Variants in TMEM163 observed in about 807,000 individuals in gnomAD.
TMEM163 encodes transmembrane protein 163.
Under a neutral mutation model 29.3 loss-of-function variants are expected in TMEM163, and 17 were observed. The observed-to-expected ratio is 0.58, with a 90% CI of 0.40 to 0.87. The LOEUF is 0.87. Among genes scored for constraint, TMEM163 ranks in the 40% least tolerant of loss-of-function variants. The pLI, the probability that TMEM163 is intolerant of heterozygous loss-of-function variation, is 0.00. For synonymous variants in TMEM163, 157 were observed against 160.6 expected, an observed-to-expected ratio of 0.98 and a Z score of 0.17; for missense variants, 303 against 381.5, an observed-to-expected ratio of 0.79 and a Z score of 1.71.
At chr2:134,703,382 A>G (rs953707444) in intron 2 of TMEM163, among the ~76,000 whole-genome samples, 2 of 152,194 alleles carry the variant, frequency 1.3e-5, no homozygotes, top group African/African-American at 4.8e-5. Context: ...GAGGTTAGAA[A>G]AGAAATGCTG....
At chr2:134,562,217 T>C (rs1344773711) in intron 2 of TMEM163, among the ~76,000 whole-genome samples, 1 of 152,140 alleles carries the variant, frequency 6.6e-6, no homozygotes. Flanking sequence ...AACACAGAAA[T>C]GCTCCTTGCC....
intron 2 of TMEM163, among the ~76,000 whole-genome samples, chr2:134,631,010 A>AG (rs1373586757): frequency 1.4e-4 from 9 of 62,336 alleles, no homozygotes; most frequent in African/African-American, 4.9e-4. Flanking sequence ...CAAACACTTG[A>AG]GGGAAAAAAA....
chr2:134,620,400 G>A (rs907561736), intron 2 of TMEM163, among the ~76,000 whole-genome samples: 2 of 152,252 alleles, frequency 1.3e-5, no homozygotes, highest in African/African-American at 2.4e-5. Flanking sequence ...GGGATTACAG[G>A]CATGCGCCAT....
chr2:134,560,426 G>A (rs984780208), intron 2 of TMEM163, among the ~76,000 whole-genome samples: 1 of 152,150 alleles, frequency 6.6e-6, no homozygotes, highest in African/African-American at 2.4e-5. Flanking sequence ...GCTCCAGCAT[G>A]CAGCAAACAG....
chr2:134,678,011 A>C (rs535479148), intron 2 of TMEM163, among the ~76,000 whole-genome samples: 2 of 152,348 alleles, frequency 1.3e-5, no homozygotes, highest in South Asian at 4.1e-4. Flanking sequence ...GCGTGCCAGC[A>C]ATGCCCAACA....
At chr2:134,576,293 G>A (rs182701431) in intron 2 of TMEM163, among the ~76,000 whole-genome samples, 115 of 152,248 alleles carry the variant, frequency 7.6e-4, no homozygotes, top group African/African-American at 2.1e-3. Context: ...GGTTTTAGTC[G>A]TGAGACAAGC....
intron 4 of TMEM163, among the ~76,000 whole-genome samples, chr2:134,516,310 C>T (rs1405873209): frequency 6.6e-6 from 1 of 152,080 alleles, no homozygotes; most frequent in Non-Finnish European, 1.5e-5. Context: ...CCTGTAATCC[C>T]AGCACTTTGG....
chr2:134,519,572 C>T (rs1160113184), intron 4 of TMEM163, among the ~76,000 whole-genome samples: 3 of 151,910 alleles, frequency 2.0e-5, no homozygotes, highest in African/African-American at 7.3e-5. Flanking sequence ...ATTAGCCGGG[C>T]GTGGTGGGGG....
At chr2:134,643,059 A>G (rs1445474048) in intron 2 of TMEM163, among the ~76,000 whole-genome samples, 1 of 152,104 alleles carries the variant, frequency 6.6e-6, no homozygotes, top group East Asian at 1.9e-4. Flanking sequence ...TAAATGAAAC[A>G]AAAAGCTGAT....
At chr2:134,514,674 C>T (rs1046417912) in intron 4 of TMEM163, among the ~76,000 whole-genome samples, 23 of 152,166 alleles carry the variant, frequency 1.5e-4, no homozygotes, top group African/African-American at 5.6e-4. Flanking sequence ...TGTATCATTG[C>T]TCACATCAAT....
rs191834615 is a variant in TMEM163 at position 134,684,181 on chromosome 2, G to A, written c.322+29019C>T. Among the ~76,000 whole-genome samples the A allele has an allele frequency of 5.3e-5, 8 of 152,206 alleles. No individual in the cohort carries two copies. The East Asian group carries it at 1.5e-3, about 29-fold the overall frequency. Reference sequence around the variant, plus strand: ...TCACAGAACAAACAAACAGCTCTTGGTCTTTGCCTGATGATATATACCACT... The same window carrying A: ...TCACAGAACAAACAAACAGCTCTTGATCTTTGCCTGATGATATATACCACT... On this transcript the variant is annotated intron_variant, in intron 2 of 7. Transcript: ENST00000281924.
chr2:134,548,147 G>A (rs190054931), intron 4 of TMEM163, among the ~76,000 whole-genome samples: 1 of 152,152 alleles, frequency 6.6e-6, no homozygotes, highest in East Asian at 1.9e-4. Flanking sequence ...TCTCCTTTGA[G>A]GGCACTGGCC....
intron 5 of TMEM163, among the ~76,000 whole-genome samples, chr2:134,498,675 G>T (rs1268762174): frequency 2.0e-5 from 3 of 152,148 alleles, no homozygotes; most frequent in African/African-American, 4.8e-5. Context: ...GGCACACCCT[G>T]GTCAGCAGCA....
At chr2:134,707,894 GA>G (rs370192908) in intron 2 of TMEM163, among the ~76,000 whole-genome samples, 27,699 of 143,904 alleles carry the variant, frequency 0.19, 2,713 homozygotes, top group Middle Eastern at 0.37. Flanking sequence ...GGGCAGACCA[GA>G]ACTTTTTTTT....
chr2:134,577,150 G>C (rs1345260552), intron 2 of TMEM163, among the ~76,000 whole-genome samples: 1 of 152,144 alleles, frequency 6.6e-6, no homozygotes, highest in African/African-American at 2.4e-5. Flanking sequence ...GCCATGTTTT[G>C]AGCCTTTTTT....
intron 2 of TMEM163, among the ~76,000 whole-genome samples, chr2:134,664,391 G>C (rs974599345): frequency 6.6e-6 from 1 of 152,214 alleles, no homozygotes; most frequent in Non-Finnish European, 1.5e-5. Context: ...TAGGTCTAGC[G>C]TGGGGTTTAA....
At chr2:134,479,936 T>A (rs1687009861) in intron 5 of TMEM163, among the ~76,000 whole-genome samples, 1 of 152,210 alleles carries the variant, frequency 6.6e-6, no homozygotes, top group South Asian at 2.1e-4. Flanking sequence ...CTGATCTGGG[T>A]GAGGATTCTC....
intron 2 of TMEM163, among the ~76,000 whole-genome samples, chr2:134,644,344 C>T (rs1683286467): frequency 6.6e-6 from 1 of 152,030 alleles, no homozygotes; most frequent in African/African-American, 2.4e-5. Flanking sequence ...AAGGAATACA[C>T]TACCCAATTT....
chr2:134,620,019 A>T (rs1253101507), intron 2 of TMEM163, among the ~76,000 whole-genome samples: 1 of 152,224 alleles, frequency 6.6e-6, no homozygotes, highest in East Asian at 1.9e-4. Flanking sequence ...ATTACTGAAA[A>T]TAAAGATCTA....
Sources: allele counts gnomAD v4.1 joint callset (sites outside exome capture counted in the v4.1 genomes callset), GRCh38; gene constraint gnomAD v4.1.1; transcripts MANE v1.5; gene names NCBI Gene and HGNC (gene_info 2026-07-23, HGNC 2026-07-21).